The following MARK3 variants were observed in gnomAD, a reference collection of about 807,000 sequenced individuals.
The protein encoded by MARK3 is microtubule affinity regulating kinase 3.
A neutral mutation model predicts 90.1 loss-of-function variants in MARK3; 46 were observed. The observed-to-expected ratio is 0.51, with a 90% CI of 0.40 to 0.65. The LOEUF is 0.65. Among genes scored for constraint, MARK3 ranks in the 30% least tolerant of loss-of-function variants. MARK3 has a pLI of 0.00. For missense variants in MARK3, 818 were observed against 947.2 expected, an observed-to-expected ratio of 0.86 and a Z score of 1.79; for synonymous variants, 321 against 332.6, an observed-to-expected ratio of 0.97 and a Z score of 0.38.
chr14:103,482,220 G>T (rs2093838303), intron 14 of MARK3, among the ~76,000 whole-genome samples: 1 of 151,896 alleles, frequency 6.6e-6, no homozygotes, highest in Non-Finnish European at 1.5e-5. Flanking sequence ...TAGTCTACAG[G>T]ACTACAGAAA....
At chr14:103,501,179 C>T (rs1273170750) in intron 17 of MARK3, among the ~76,000 whole-genome samples, 1 of 152,234 alleles carries the variant, frequency 6.6e-6, no homozygotes, top group Non-Finnish European at 1.5e-5. Context: ...CACGTCCCTG[C>T]GAGGCCCTGA....
Position 103,400,010 on chromosome 14 carries a change from C to G in MARK3, c.52-5066C>G, listed in dbSNP as rs150941425. 2.7e-3 allele frequency among the ~76,000 whole-genome samples: 409 copies of G among 151,332 alleles called. 2 individuals carry two copies. The highest frequency in any genetic ancestry group is 9.5e-3 in the African/African-American group (391 of 41,194). On this transcript the variant is annotated intron_variant, in intron 1 of 17. Coordinates refer to ENST00000429436, the MANE Select transcript of MARK3 (RefSeq NM_001128918.3). ...GTGGCGGAATCTCAGCTCACTGCAA[C>G]TGTCGCCTCCCTTGTTCAAGCGATT...
intron 2 of MARK3, among the ~76,000 whole-genome samples, chr14:103,411,715 C>T (rs867295148): frequency 6.6e-6 from 1 of 151,940 alleles, no homozygotes; most frequent in Non-Finnish European, 1.5e-5. Context: ...CTCCACCTCC[C>T]GGGTTTAAGC....
chr14:103,435,582 G>A (rs1322617022), intron 3 of MARK3, among the ~76,000 whole-genome samples: 1 of 151,306 alleles, frequency 6.6e-6, no homozygotes, highest in Non-Finnish European at 1.5e-5. Flanking sequence ...CTAATTTTTT[G>A]TATTTTTAGT....
intron 2 of MARK3, among the ~76,000 whole-genome samples, chr14:103,427,497 C>CAAAAAAAAAAAAAAAAAAAAAAAAA (rs71126021): frequency 9.0e-6 from 1 of 110,818 alleles, no homozygotes; most frequent in African/African-American, 3.3e-5. Flanking sequence ...GAGACTGTTT[C>CAAAAAAAAAAAAAAAAAAAAAAAAA]AAAAAAAAAA....
intron 2 of MARK3, among the ~76,000 whole-genome samples, chr14:103,416,418 G>A (rs1336672059): frequency 1.3e-5 from 2 of 152,184 alleles, no homozygotes; most frequent in Non-Finnish European, 2.9e-5. Context: ...TTTGGAATAG[G>A]TGAGGGGATG....
intron 1 of MARK3, among the ~76,000 whole-genome samples, chr14:103,387,859 C>G (rs926944442): frequency 3.3e-5 from 5 of 152,136 alleles, no homozygotes; most frequent in Non-Finnish European, 7.4e-5. Flanking sequence ...AGTAGGAGCT[C>G]CATGCTTTCT....
intron 13 of MARK3, among the ~76,000 whole-genome samples, chr14:103,475,842 G>T (rs2093705137): frequency 6.6e-6 from 1 of 152,012 alleles, no homozygotes; most frequent in Admixed American, 6.6e-5. Context: ...CTGCTCAGGA[G>T]GCTGAGGTAG....
chr14:103,457,733 C>CA (rs2093306225), intron 6 of MARK3, among the ~76,000 whole-genome samples: 1 of 152,118 alleles, frequency 6.6e-6, no homozygotes, highest in African/African-American at 2.4e-5. Context: ...ATAATAATTA[C>CA]TGTTATCTAT....
At chr14:103,453,738 C>A (rs2093209274) in intron 5 of MARK3, among the ~76,000 whole-genome samples, 1 of 152,130 alleles carries the variant, frequency 6.6e-6, no homozygotes, top group Non-Finnish European at 1.5e-5. Flanking sequence ...TGTTCATAGC[C>A]CTCACGTTGT....
intron 13 of MARK3, among the ~76,000 whole-genome samples, chr14:103,479,178 G>T (rs942011967): frequency 1.3e-5 from 2 of 151,774 alleles, no homozygotes; most frequent in Non-Finnish European, 2.9e-5. Context: ...GCATCACCAT[G>T]CCTGGCTTAT....
intron 2 of MARK3, among the ~76,000 whole-genome samples, chr14:103,425,427 T>TTGAAAATACTAA (rs1365816463): frequency 1.7e-4 from 25 of 151,256 alleles, no homozygotes. Flanking sequence ...CAAGCTCAGC[T>TTGAAAATACTAA]AATTTTTGTA....
intron 2 of MARK3, among the ~76,000 whole-genome samples, chr14:103,407,618 T>C (rs1202590221): frequency 7.8e-6 from 1 of 128,634 alleles, no homozygotes; most frequent in Non-Finnish European, 1.6e-5. Context: ...TGGAGTGCAG[T>C]GGTGTGATCT....
intron 2 of MARK3, among the ~76,000 whole-genome samples, chr14:103,424,537 A>C (rs569068456): frequency 2.2e-4 from 2 of 9,294 alleles, no homozygotes; most frequent in African/African-American, 2.6e-4. Flanking sequence ...AAAAAAAAAA[A>C]CAAAAAAAAG....
chr14:103,403,884 A>G (rs1321587871), intron 1 of MARK3, among the ~76,000 whole-genome samples: 2 of 152,224 alleles, frequency 1.3e-5, no homozygotes, highest in East Asian at 3.8e-4. Context: ...TGAGGTCATA[A>G]AAAGCCTGTT....
chr14:103,450,305 A>G (rs10146864), intron 4 of MARK3, among the ~76,000 whole-genome samples: 6,087 of 152,142 alleles, frequency 0.04, 413 homozygotes, highest in African/African-American at 0.14. Flanking sequence ...TAGCTAGCCA[A>G]CTCTGGATTT....
chr14:103,458,935 CTGT>C (rs1321648325), intron 6 of MARK3: 2 of 442,930 alleles, frequency 4.5e-6, no homozygotes, highest in Non-Finnish European at 8.0e-6. Context: ...TTCTCTGATC[CTGT>C]TTTTAAAGCT....
intron 13 of MARK3, 135 bp downstream of exon 13, chr14:103,475,345 C>T (rs2093696478): frequency 6.0e-6 from 4 of 662,910 alleles, no homozygotes; most frequent in Non-Finnish European, 7.9e-6. Flanking sequence ...CCAATCTTAA[C>T]TTACAGAAAT....
chr14:103,422,209 A>G (rs994776722), intron 2 of MARK3, among the ~76,000 whole-genome samples: 4 of 152,256 alleles, frequency 2.6e-5, no homozygotes, highest in Non-Finnish European at 5.9e-5. Flanking sequence ...GAATCCCAGC[A>G]CTTTGGGAAG....
Sources: allele counts gnomAD v4.1 joint callset (sites outside exome capture counted in the v4.1 genomes callset), GRCh38; gene constraint gnomAD v4.1.1; transcripts MANE v1.5; gene names NCBI Gene and HGNC (gene_info 2026-07-23, HGNC 2026-07-21).